GRM4: variants seen among roughly 807,000 people sequenced by gnomAD.
The protein encoded by GRM4 is metabotropic glutamate receptor 4.
Under a neutral mutation model 81.7 loss-of-function variants are expected in GRM4, and 28 were observed. The observed-to-expected ratio is 0.34, with a 90% CI of 0.25 to 0.47. The LOEUF (loss-of-function observed/expected upper bound fraction) is 0.47, where lower values mean the gene tolerates loss of function less well. Among genes scored for constraint, GRM4 ranks in the 20% least tolerant of loss-of-function variants. The probability of loss-of-function intolerance (pLI) is 1.00; values close to 1 mark genes in which losing one functional copy is unlikely to be tolerated. For missense variants in GRM4, 948 were observed against 1,290.0 expected, an observed-to-expected ratio of 0.73 and a Z score of 4.06; for synonymous variants, 488 against 528.8, an observed-to-expected ratio of 0.92 and a Z score of 1.06.
In GRM4 at chr6:34,152,324, C is replaced by T. The variant is rs377325008; in HGVS notation, c.312+2755G>A. 5.3e-5 allele frequency among the ~76,000 whole-genome samples: 8 copies of T among 152,318 alleles called. No individual in the cohort carries two copies. In the East Asian group the frequency reaches 5.8e-4, roughly 11 times the overall value. ...CCTGGCTGCTGCGGTATCTCCAGCA[C>T]GGACACCAGGCAGGCTGCACTGCCC... On this transcript the variant is annotated intron_variant, in intron 1 of 8. Transcript: ENST00000374177. The surrounding 1 kb of genome is among the most constrained non-coding windows in gnomAD (Gnocchi z 4.1).
chr6:34,140,380 T>C (rs1770630470), intron 1 of GRM4, among the ~76,000 whole-genome samples: 1 of 152,050 alleles, frequency 6.6e-6, no homozygotes, highest in African/African-American at 2.4e-5. Flanking sequence ...CAGGACCTTA[T>C]CGACCACGGT....
In GRM4 at chr6:34,064,274, C is replaced by G. The variant is rs1197463273; in HGVS notation, c.737-2246G>C. Among the ~76,000 whole-genome samples the G allele has an allele frequency of 6.6e-6, 1 of 152,170 alleles. No individual in the cohort carries two copies. The highest frequency in any genetic ancestry group is 2.4e-5 in the African/African-American group (1 of 41,446). On this transcript the variant is annotated intron_variant, in intron 3 of 10. Coordinates refer to ENST00000538487, the MANE Select transcript of GRM4 (RefSeq NM_000841.4). This position sits in a 1 kb window ranked among gnomAD's most constrained non-coding sequence, Gnocchi z 4.4. ...TGGAGTGTCCAATGCATGGGAAATG[C>G]TATTCTGCAAATTTTACATGGATTC...
At chr6:34,135,200 G>C (rs562653691) in intron 1 of GRM4, among the ~76,000 whole-genome samples, 1 of 152,230 alleles carries the variant, frequency 6.6e-6, no homozygotes, top group South Asian at 2.1e-4. Context: ...TCCCTCCCCC[G>C]TCATTCCCCC....
chr6:34,086,799 C>A (rs1767911253), intron 3 of GRM4, among the ~76,000 whole-genome samples: 1 of 152,172 alleles, frequency 6.6e-6, no homozygotes, highest in South Asian at 2.1e-4. Context: ...GTCTTGAGAG[C>A]TAAATGAGGT....
chr6:34,154,977 GGTCCGAGC>G, intron 1 of GRM4: 1 of 986,410 alleles, frequency 1.0e-6, no homozygotes, highest in Non-Finnish European at 1.4e-6. Flanking sequence ...GCCTGGGGCG[GGTCCGAGC>G]GGGACCCAGG....
chr6:34,107,833 T>C (rs753497454), intron 2 of GRM4, among the ~76,000 whole-genome samples: 30 of 152,080 alleles, frequency 2.0e-4, no homozygotes, highest in Admixed American at 3.3e-4. Context: ...GACCGGGGTG[T>C]CTATGGAGAT....
chr6:34,101,968 C>T, intron 2 of GRM4: 1 of 1,522,708 alleles, frequency 6.6e-7, no homozygotes, highest in Non-Finnish European at 8.8e-7. Flanking sequence ...TGTGGACCTC[C>T]ACTGCCACCT....
chr6:34,023,016 G>T, intron 10 of GRM4, 146 bp from the exon 11 acceptor site: 1 of 694,698 alleles, frequency 1.4e-6, no homozygotes, highest in South Asian at 1.6e-5. Flanking sequence ...AATCGACACT[G>T]CCCCAAACTG....
chr6:34,061,825 A>G, intron 4 of GRM4, 68 bp downstream of exon 4: 1 of 1,530,598 alleles, frequency 6.5e-7, no homozygotes, highest in Non-Finnish European at 8.9e-7. Context: ...CTCCAGCAGG[A>G]CAGGACCCGT....
At chr6:34,030,560 C>G (rs1581586544) in intron 9 of GRM4, among the ~76,000 whole-genome samples, 1 of 152,176 alleles carries the variant, frequency 6.6e-6, no homozygotes, top group Non-Finnish European at 1.5e-5. Context: ...TTCCACCCCT[C>G]TCTGGGCACC....
rs375970813 is a variant in GRM4, at chr6:34,028,609, G to A, written c.2443-243C>T. Reference sequence around the variant, plus strand: ...CAGTTTCCTCACGTATAATGTGGGCGTGATAATGATAGTACTTACCTCCTA... The same window carrying A: ...CAGTTTCCTCACGTATAATGTGGGCATGATAATGATAGTACTTACCTCCTA... On this transcript the variant is annotated intron_variant, in intron 9 of 10. Coordinates refer to ENST00000538487, the MANE Select transcript of GRM4 (RefSeq NM_000841.4). Among the ~76,000 whole-genome samples, 6 of 152,222 alleles carry A rather than the reference G, an allele frequency of 3.9e-5. No individual in the cohort carries two copies. In the East Asian group the frequency reaches 9.6e-4, roughly 24 times the overall value.
chr6:34,084,782 C>T (rs1561801561), intron 3 of GRM4, among the ~76,000 whole-genome samples: 1 of 152,206 alleles, frequency 6.6e-6, no homozygotes, highest in Non-Finnish European at 1.5e-5. Flanking sequence ...GCTTTTGTTC[C>T]TACTGTTCTC....
intron 3 of GRM4, among the ~76,000 whole-genome samples, chr6:34,085,546 C>T (rs1483596899): frequency 6.6e-6 from 1 of 152,190 alleles, no homozygotes; most frequent in Non-Finnish European, 1.5e-5. Context: ...GTTTGCCCCT[C>T]TGTAGGCTGA....
Position 34,092,720 on chromosome 6 carries a change from G to C in GRM4, c.520-621C>G, listed in dbSNP as rs1302665907. Among the ~76,000 whole-genome samples the C allele has an allele frequency of 2.0e-5, 3 of 152,112 alleles. No individual in the cohort carries two copies. Among genetic ancestry groups the C allele is most frequent in the Non-Finnish European group, 4.4e-5 (3 of 67,996 alleles). ...TGGAGCTGGGGACACTGAGCCCAGA[G>C]AGTCACCACCCTGCCGGGTCCCACA... is the stretch of plus-strand genomic sequence containing the variant. On this transcript the variant is annotated intron_variant, in intron 2 of 10. Transcript: ENST00000538487. This position sits in a 1 kb window ranked among gnomAD's most constrained non-coding sequence, Gnocchi z 6.8.
intron 3 of GRM4, among the ~76,000 whole-genome samples, chr6:34,071,170 T>A (rs77709494): frequency 6.6e-6 from 1 of 151,134 alleles, no homozygotes; most frequent in South Asian, 2.1e-4. Context: ...CCAATTATAA[T>A]TTCAGACAAC....
At chr6:34,085,619 C>A (rs973090458) in intron 3 of GRM4, among the ~76,000 whole-genome samples, 3 of 152,176 alleles carry the variant, frequency 2.0e-5, no homozygotes, top group Non-Finnish European at 2.9e-5. Context: ...TAGTTGGGGG[C>A]TGGATTTTGC....
At chr6:34,110,628 T>A (rs1156468120) in intron 2 of GRM4, 1 of 1,002,536 alleles carries the variant, frequency 1.0e-6, no homozygotes, top group Admixed American at 2.1e-5. Context: ...CCCTGCTCCC[T>A]ACCCCCTTAC....
intron 2 of GRM4, among the ~76,000 whole-genome samples, chr6:34,113,063 C>T (rs1460771017): frequency 6.6e-6 from 1 of 152,038 alleles, no homozygotes; most frequent in Admixed American, 6.5e-5. Flanking sequence ...CTTTTACATA[C>T]ATTCTCTGTT....
chr6:34,022,979 C>T lies in GRM4; in HGVS notation c.2690-109G>A. 1.2e-6 allele frequency: 1 copy of T among 856,452 alleles called. No individual in the cohort carries two copies. The highest frequency in any genetic ancestry group is 2.0e-6 in the Non-Finnish European group (1 of 503,066). 53.1% of individuals were successfully genotyped at this position (856,452 alleles called of 1,614,324 possible). On this transcript the variant is annotated intron_variant, in intron 10 of 10. Transcript: ENST00000538487. The surrounding 1 kb of genome is among the most constrained non-coding windows in gnomAD (Gnocchi z 5.6). ...AAGAACCTACCATAGCTCCCCGCCT[C>T]TCATGGCATCCAGTCCTGAGCTGAG...
Sources: gnomAD v4.1 joint callset for allele counts (sites outside exome capture counted in the v4.1 genomes callset) on GRCh38, gnomAD v4.1.1 for gene constraint, Gnocchi (gnomAD v3.1) non-coding constraint, MANE v1.5 for transcripts, NCBI Gene and HGNC (gene_info 2026-07-23, HGNC 2026-07-21) for gene names.